APBB1IP: variants seen among roughly 807,000 people sequenced by gnomAD.
APBB1IP encodes amyloid beta A4 precursor protein-binding family B member 1-interacting protein.
A neutral mutation model predicts 64.9 loss-of-function variants in APBB1IP; 27 were observed. The ratio of observed to expected loss-of-function variants is 0.42; its 90% CI spans 0.31 to 0.57. The LOEUF (loss-of-function observed/expected upper bound fraction) is 0.57, where lower values mean the gene tolerates loss of function less well. APBB1IP is among the 20% of genes least tolerant of loss of function. The pLI is 0.20. For missense variants in APBB1IP, 812 were observed against 845.5 expected, an observed-to-expected ratio of 0.96 and a Z score of 0.49; for synonymous variants, 392 against 331.0, an observed-to-expected ratio of 1.18 and a Z score of -2.00.
rs546300624 is a variant in APBB1IP, at chr10:26,496,245, G to A, written c.73-59G>A. On this transcript the variant is annotated intron_variant, in intron 3 of 14. Coordinates refer to ENST00000376236, the MANE Select transcript of APBB1IP (RefSeq NM_019043.4). Reference sequence around the variant, plus strand: ...CATGGTTTTTGACTTGCTGAGTAAAGTGTGCTACAGAAATGTTTGTATCAT... The same window carrying A: ...CATGGTTTTTGACTTGCTGAGTAAAATGTGCTACAGAAATGTTTGTATCAT... The A allele has an allele frequency of 1.3e-5, 17 of 1,293,692 alleles. No homozygotes were observed. In the African/African-American group the frequency reaches 2.3e-4, roughly 18 times the overall value. The allele number at this position is 1,293,692 out of a possible 1,614,324, so 80.1% of individuals were successfully genotyped here.
At chr10:26,443,382 C>T (rs1379033980) in intron 2 of APBB1IP, among the ~76,000 whole-genome samples, 2 of 150,818 alleles carry the variant, frequency 1.3e-5, no homozygotes, top group South Asian at 4.2e-4. Flanking sequence ...CAAAATCATG[C>T]CATTGCACTC....
chr10:26,491,392 A>G (rs932068422), intron 2 of APBB1IP, among the ~76,000 whole-genome samples: 8 of 152,338 alleles, frequency 5.3e-5, no homozygotes, highest in African/African-American at 1.9e-4. Flanking sequence ...GCCAAACTAC[A>G]TAATGCTAGT....
intron 2 of APBB1IP, among the ~76,000 whole-genome samples, chr10:26,480,119 G>A (rs1338533106): frequency 6.6e-6 from 1 of 152,224 alleles, no homozygotes; most frequent in East Asian, 1.9e-4. Flanking sequence ...CCCCGGGCAA[G>A]GAGCAGAGCA....
intron 2 of APBB1IP, among the ~76,000 whole-genome samples, chr10:26,443,543 T>TATTC (rs1157943416): frequency 1.3e-5 from 2 of 150,290 alleles, no homozygotes; most frequent in African/African-American, 2.4e-5. Context: ...TTTATTTATT[T>TATTC]ATTCATTCAT....
intron 6 of APBB1IP, among the ~76,000 whole-genome samples, chr10:26,504,669 C>A (rs1346634594): frequency 1.3e-5 from 2 of 151,326 alleles, no homozygotes; most frequent in Non-Finnish European, 2.9e-5. Flanking sequence ...AAGATTGCAC[C>A]ACTGCATTCC....
rs151091418 is a variant in APBB1IP, at chr10:26,452,074, C to T, written c.-1+13221C>T. Among the ~76,000 whole-genome samples the T allele has an allele frequency of 6.6e-5, 10 of 152,184 alleles. No homozygotes were observed. The East Asian group carries it at 1.7e-3, about 26-fold the overall frequency. On this transcript the variant is annotated intron_variant, in intron 2 of 14. Transcript: ENST00000376236. Reference sequence around the variant, plus strand: ...ATGAGACATCAAATTTACCAATGATCCATTTCAATGACAGACATTTTTTAA... The same window carrying T: ...ATGAGACATCAAATTTACCAATGATTCATTTCAATGACAGACATTTTTTAA...
At chr10:26,536,052 G>A in intron 9 of APBB1IP, 22 bp from the exon 10 acceptor site, 1 of 1,570,320 alleles carries the variant, frequency 6.4e-7, no homozygotes, top group Non-Finnish European at 8.6e-7. Context: ...TGTGTCTTAT[G>A]TCGTCGGAAT....
intron 2 of APBB1IP, among the ~76,000 whole-genome samples, 162 bp downstream of exon 2, chr10:26,439,015 G>T (rs1027612183): frequency 6.6e-6 from 1 of 152,166 alleles, no homozygotes. Context: ...CGAGCGCAGC[G>T]GGTCCCCAGG....
chr10:26,451,673 A>G (rs1835467285), intron 2 of APBB1IP, among the ~76,000 whole-genome samples: 1 of 152,216 alleles, frequency 6.6e-6, no homozygotes, highest in South Asian at 2.1e-4. Flanking sequence ...AATAAACACT[A>G]TAAGAAAGTC....
intron 8 of APBB1IP, among the ~76,000 whole-genome samples, chr10:26,532,719 G>A (rs889788586): frequency 2.0e-4 from 31 of 151,990 alleles, no homozygotes; most frequent in East Asian, 1.7e-3. Flanking sequence ...CAGACTCCAG[G>A]GTTCAAACAA....
intron 2 of APBB1IP, among the ~76,000 whole-genome samples, chr10:26,473,019 A>G (rs1287787083): frequency 6.6e-6 from 1 of 152,176 alleles, no homozygotes; most frequent in Non-Finnish European, 1.5e-5. Context: ...GGATTACAAA[A>G]GAAGTGTGTC....
intron 2 of APBB1IP, among the ~76,000 whole-genome samples, chr10:26,458,489 T>C (rs1835553348): frequency 6.6e-6 from 1 of 152,122 alleles, no homozygotes; most frequent in Non-Finnish European, 1.5e-5. Flanking sequence ...GAAAGATCCA[T>C]GAACACCTGA....
At chr10:26,557,793 G>T (rs1296879403) in intron 11 of APBB1IP, among the ~76,000 whole-genome samples, 1 of 152,198 alleles carries the variant, frequency 6.6e-6, no homozygotes, top group African/African-American at 2.4e-5. Flanking sequence ...TCATTAGAAA[G>T]TCTAGCAGAG....
At chr10:26,467,530 A>G (rs1228161819) in intron 2 of APBB1IP, among the ~76,000 whole-genome samples, 1 of 152,152 alleles carries the variant, frequency 6.6e-6, no homozygotes, top group African/African-American at 2.4e-5. Flanking sequence ...TGTCTTTACA[A>G]AAGATTTTTA....
chr10:26,567,776 C>G lies in APBB1IP; in HGVS notation c.*288C>G. The G allele has an allele frequency of 2.2e-6, 1 of 461,662 alleles. No homozygotes were observed. The highest frequency in any genetic ancestry group is 3.2e-6 in the Non-Finnish European group (1 of 309,960). The allele number at this position is 461,662 out of a possible 1,614,324, so 28.6% of individuals were successfully genotyped here. A position where few individuals can be genotyped will look rare whatever the true frequency, so the allele number is the denominator to read the frequency against. ...TTTATTTTATTATGTTCAGAAGCATCAAATAAAAGTTAAACGTTTTTCCGG... is the reference window on the plus strand; with the variant it reads ...TTTATTTTATTATGTTCAGAAGCATGAAATAAAAGTTAAACGTTTTTCCGG... On this transcript the variant is annotated 3_prime_UTR_variant, in exon 15 of 15. Coordinates refer to ENST00000376236, the MANE Select transcript of APBB1IP (RefSeq NM_019043.4).
chr10:26,526,814 T>C (rs1356388824), intron 8 of APBB1IP, among the ~76,000 whole-genome samples: 2 of 152,190 alleles, frequency 1.3e-5, no homozygotes, highest in Non-Finnish European at 2.9e-5. Flanking sequence ...TCACCCATAA[T>C]CTCACTCTTT....
intron 2 of APBB1IP, among the ~76,000 whole-genome samples, chr10:26,477,915 G>A (rs1835793599): frequency 1.3e-5 from 2 of 152,108 alleles, no homozygotes; most frequent in Non-Finnish European, 2.9e-5. Context: ...TGTAGAGACG[G>A]GATCATGCTG....
intron 11 of APBB1IP, among the ~76,000 whole-genome samples, chr10:26,549,961 T>C (rs182277329): frequency 3.5e-4 from 54 of 152,166 alleles, no homozygotes; most frequent in African/African-American, 1.3e-3. Flanking sequence ...AGAGCTTTCT[T>C]TGGCTGAAAA....
intron 2 of APBB1IP, among the ~76,000 whole-genome samples, chr10:26,468,589 T>C (rs1317923278): frequency 2.6e-5 from 4 of 151,366 alleles, no homozygotes; most frequent in African/African-American, 9.7e-5. Flanking sequence ...TAAGTTACAA[T>C]TGGGAAACAT....
Sources: gnomAD v4.1 joint callset for allele counts (sites outside exome capture counted in the v4.1 genomes callset) on GRCh38, gnomAD v4.1.1 for gene constraint, MANE v1.5 for transcripts, NCBI Gene and HGNC (gene_info 2026-07-23, HGNC 2026-07-21) for gene names.